Variants in COL5A3 observed in about 807,000 individuals in gnomAD.
COL5A3 encodes collagen alpha-3(V) chain.
In COL5A3, 172 loss-of-function variants were observed where a neutral mutation model predicts 250.0. The ratio of observed to expected loss-of-function variants is 0.69; its 90% CI spans 0.61 to 0.78. The LOEUF is 0.78. Among genes scored for constraint, COL5A3 ranks in the 30% least tolerant of loss-of-function variants. The pLI is 0.00. For missense variants in COL5A3, 2,340 were observed against 2,334.4 expected (o/e 1.00, Z -0.05); for synonymous variants, 937 against 900.4 (o/e 1.04, Z -0.73).
intron 53 of COL5A3, 141 bp downstream of exon 53, chr19:9,970,834 G>A: frequency 9.5e-7 from 1 of 1,054,044 alleles, no homozygotes; most frequent in Non-Finnish European, 1.3e-6. Flanking sequence ...CACATTCCTG[G>A]GGGTCCCCAG....
Position 9,996,492 on chromosome 19 carries a change from T to C in COL5A3, c.1363A>G (p.Lys455Glu). The C allele has an allele frequency of 6.2e-7, 1 of 1,614,014 alleles. No homozygotes were observed. The highest frequency in any genetic ancestry group is 1.3e-5 in the African/African-American group (1 of 75,006). The change falls in exon 13 of 67, where the codon AAA becomes GAA. Residue 455 changes from lysine (K) to glutamate (E), a missense_variant. Around this residue, in one of 3 missense-constraint regions of COL5A3, gnomAD observed 1,152 missense variants for 1,146.3 expected, o/e 1.00. Coordinates refer to ENST00000264828, the MANE Select transcript of COL5A3 (RefSeq NM_015719.4). ...MPFQFAGGSF[K>E]GPPVSFQQAQ... is the part of the protein sequence containing the mutation. Reference sequence around the variant, plus strand: ...TGCTGGAATGAGACTGGGGGGCCTTTAAAGGAGCCGCCTGCAAACTGGAAC... The same window carrying C: ...TGCTGGAATGAGACTGGGGGGCCTTCAAAGGAGCCGCCTGCAAACTGGAAC...
At chr19:9,970,500 AGTGGGGTCTGTGGGTGT>A (rs1482680529) in intron 54 of COL5A3, 105 bp downstream of exon 54, 11 of 285,316 alleles carry the variant, frequency 3.9e-5, no homozygotes, top group African/African-American at 6.2e-5. Context: ...CTGTGGAGTG[AGTGGGGTCTGTGGGTGT>A]GTGGGGTCTG....
intron 16 of COL5A3, 99 bp downstream of exon 16, chr19:9,995,465 A>T: frequency 9.4e-7 from 1 of 1,067,930 alleles, no homozygotes; most frequent in Non-Finnish European, 1.3e-6. Context: ...CTCTTTTCCC[A>T]CTAACGACAC....
At chr19:9,993,108 CCCTCGGAGAGCCA>C in intron 19 of COL5A3, 41 bp from the exon 20 acceptor site, 2 of 1,605,512 alleles carry the variant, frequency 1.2e-6, no homozygotes, top group Non-Finnish European at 1.7e-6. Context: ...GAAGGTACAA[CCCTCGGAGAGCCA>C]CCTCCCCTCA....
intron 33 of COL5A3, 107 bp from the exon 34 acceptor site, chr19:9,980,966 G>C (rs1042738373): frequency 3.3e-6 from 5 of 1,494,892 alleles, no homozygotes; most frequent in African/African-American, 1.4e-5. Flanking sequence ...TCTCCTGCCC[G>C]ACCAGGGACA....
chr19:9,971,453 G>T (rs1438520289), intron 51 of COL5A3, among the ~76,000 whole-genome samples, 195 bp from the exon 52 acceptor site: 1 of 152,136 alleles, frequency 6.6e-6, no homozygotes, highest in Non-Finnish European at 1.5e-5. Flanking sequence ...AATGCCGCAC[G>T]CATGGTCTCA....
rs34487347 is a variant in COL5A3 at position 9,963,553 on chromosome 19, GT to G, written c.4783-667del. On this transcript the variant is annotated intron_variant, in intron 64 of 66. Transcript: ENST00000264828. ...ATAATAGGAGTGTGCCACCATGCCT[GT>G]TTTTTTTGGGGGGGGGGGCGGGTGG... 8.5e-3 allele frequency among the ~76,000 whole-genome samples: 560 copies of G among 65,950 alleles called. 8 individuals carry two copies. The highest frequency in any genetic ancestry group is 0.027 in the African/African-American group (448 of 16,544). The allele number at this position is 65,950 out of a possible 152,430, so 43.3% of individuals were successfully genotyped here. A position where few individuals can be genotyped will look rare whatever the true frequency, so the allele number is the denominator to read the frequency against.
At chr19:10,001,972 G>T in intron 6 of COL5A3, 91 bp from the exon 7 acceptor site, 2 of 868,328 alleles carry the variant, frequency 2.3e-6, no homozygotes, top group Non-Finnish European at 1.8e-6. Context: ...GGAGCTCCCA[G>T]TCCGGGGACA....
intron 62 of COL5A3, 21 bp from the exon 63 acceptor site, chr19:9,966,767 C>T (rs2086754700): frequency 2.7e-6 from 4 of 1,507,936 alleles, no homozygotes; most frequent in Admixed American, 2.0e-5. Flanking sequence ...GGGATGGGGA[C>T]GGAGAAGAGA....
At position 10,004,130 on chromosome 19, in the gene COL5A3, G is replaced by A; in HGVS notation, c.610C>T (p.Leu204=). ...EKTFEGDIQE[L]LISPDPQAAF... is the part of the protein sequence containing the mutation. ...GCCTGAGGATCTGGGCTTATCAGCA[G>A]CTCCTGAATGTCTCCCTGGGGGTTG... The change falls in exon 5 of 67, where the codon CTG becomes TTG. Residue 204 remains leucine, a synonymous_variant. Transcript: ENST00000264828. 1 of 1,613,736 alleles carries A rather than the reference G, an allele frequency of 6.2e-7. No homozygotes were observed. The highest frequency in any genetic ancestry group is 8.5e-7 in the Non-Finnish European group (1 of 1,179,716).
intron 6 of COL5A3, among the ~76,000 whole-genome samples, chr19:10,002,396 C>T (rs1187080297): frequency 1.3e-5 from 2 of 151,992 alleles, no homozygotes; most frequent in Non-Finnish European, 2.9e-5. Flanking sequence ...AGATCTGGAA[C>T]TGAGATGTAG....
chr19:9,982,560 CCACTGTGACATAGCT>C (rs1486654558), intron 31 of COL5A3, among the ~76,000 whole-genome samples: 2 of 152,180 alleles, frequency 1.3e-5, no homozygotes, highest in Admixed American at 1.3e-4. Context: ...CTGTTTTCCC[CCACTGTGACATAGCT>C]CATTGGTCTT....
Position 9,967,881 on chromosome 19 carries a change from C to G in COL5A3, c.4404+23G>C, listed in dbSNP as rs370250990. The G allele has an allele frequency of 1.9e-6, 3 of 1,610,600 alleles. No homozygotes were observed. In the African/African-American group the frequency reaches 4.0e-5, roughly 22 times the overall value. ...GGGTGGGGAGCTGGGATGTGTAAGC[C>G]CACGGAAGCAGGGTGTACTCACCGG... On this transcript the variant is annotated intron_variant, in intron 61 of 66. Coordinates refer to ENST00000264828, the MANE Select transcript of COL5A3 (RefSeq NM_015719.4).
chr19:10,010,078 G>T (rs1025491116), intron 1 of COL5A3, among the ~76,000 whole-genome samples: 10 of 151,874 alleles, frequency 6.6e-5, no homozygotes, highest in Non-Finnish European at 1.0e-4. Context: ...ATTCCCACGC[G>T]CTCGCCAGAA....
chr19:9,969,722 G>A lies in COL5A3; in HGVS notation c.3991-40C>T, dbSNP rs779784314. On this transcript the variant is annotated intron_variant, in intron 55 of 66. Coordinates refer to ENST00000264828, the MANE Select transcript of COL5A3 (RefSeq NM_015719.4). ...GGCAAGGGAGGGGCCAGAGTCAGAG[G>A]GTTCCTGCCTCCTGACCCCTGCCAA... is the stretch of plus-strand genomic sequence containing the variant. 4.4e-6 allele frequency: 7 copies of A among 1,583,660 alleles called. No individual in the cohort carries two copies. The Admixed American group carries it at 1.1e-4, about 25-fold the overall frequency.
At chr19:9,979,324 C>A (rs1175388127) in intron 38 of COL5A3, 40 bp downstream of exon 38, 2 of 1,612,742 alleles carry the variant, frequency 1.2e-6, no homozygotes, top group South Asian at 2.2e-5. Context: ...TATCCCCCAA[C>A]TGGTACAAAA....
rs1423988986 is a variant in COL5A3 at position 9,966,722 on chromosome 19, G to A, written c.4483C>T (p.Leu1495=). The change falls in exon 63 of 67, where the codon CTG becomes TTG. Residue 1495 remains leucine (L), a synonymous_variant. Coordinates refer to ENST00000264828, the MANE Select transcript of COL5A3 (RefSeq NM_015719.4). ...PPGAPAELHG[L]RRRRRFVPVP... is the part of the protein sequence containing the mutation. ...GGGACGAAGCGCCGGCGCCTGCGCA[G>A]CCCATGCAGCTCGGCAGGGGCACCC... 2.0e-6 allele frequency: 3 copies of A among 1,536,604 alleles called. No individual in the cohort carries two copies. Among genetic ancestry groups the A allele is most frequent in the African/African-American group, 1.4e-5 (1 of 73,236 alleles).
intron 31 of COL5A3, among the ~76,000 whole-genome samples, chr19:9,983,678 GAAGA>G (rs144644185): frequency 0.12 from 13,907 of 119,538 alleles, 992 homozygotes; most frequent in South Asian, 0.27. Flanking sequence ...AAAGAAAAAA[GAAGA>G]AAGAAAGAAG....
rs1484412430 is a variant in COL5A3, at chr19:9,975,048, C to T, written c.3343-640G>A. 2.7e-5 allele frequency among the ~76,000 whole-genome samples: 4 copies of T among 149,590 alleles called. No homozygotes were observed. In the East Asian group the frequency reaches 7.8e-4, roughly 29 times the overall value. On this transcript the variant is annotated intron_variant, in intron 45 of 66. Transcript: ENST00000264828. ...GAATAGCTGGGATTACAAGTGTGTG[C>T]CACTGTGCCTGGCTTTTTTTTTTTT... is the stretch of plus-strand genomic sequence containing the variant.
Sources: gnomAD v4.1 joint callset for allele counts (sites outside exome capture counted in the v4.1 genomes callset) on GRCh38, gnomAD v4.1.1 for gene constraint, gnomAD v4.1.1 regional missense constraint, MANE v1.5 for transcripts, NCBI Gene and HGNC (gene_info 2026-07-23, HGNC 2026-07-21) for gene names.